The following TF variants were observed in gnomAD, a reference collection of about 807,000 sequenced individuals.
TF encodes the protein serotransferrin.
In TF, 55 loss-of-function variants were observed where a neutral mutation model predicts 82.4. The ratio of observed to expected loss-of-function variants is 0.67; its 90% CI spans 0.54 to 0.84. The LOEUF is 0.84. TF is among the 40% of genes least tolerant of loss of function. TF has a pLI of 0.00. For missense variants in TF, 737 were observed against 868.4 expected, an observed-to-expected ratio of 0.85 and a Z score of 1.90; for synonymous variants, 332 against 332.6, an observed-to-expected ratio of 1.00 and a Z score of 0.02.
chr3:133,683,482 C>T, the TF span, among the ~76,000 whole-genome samples: 1 of 151,960 alleles, frequency 6.6e-6, no homozygotes, highest in Non-Finnish European at 1.5e-5. Context: ...CACACATAGG[C>T]TTAAAATAAA....
At chr3:133,665,467 CAAA>C in the TF span, among the ~76,000 whole-genome samples, 1 of 123,914 alleles carries the variant, frequency 8.1e-6, no homozygotes. Context: ...GACCCTATCT[CAAA>C]AAAAAAAAAA....
Position 133,753,513 on chromosome 3 carries a change from A to G in TF, c.217-82A>G, listed in dbSNP as rs898981241. The G allele has an allele frequency of 1.7e-5, 21 of 1,238,776 alleles. No individual in the cohort carries two copies. In the African/African-American group the frequency reaches 2.8e-4, roughly 17 times the overall value. 76.7% of individuals were successfully genotyped at this position (1,238,776 alleles called of 1,614,324 possible). On this transcript the variant is annotated intron_variant, in intron 2 of 16. Transcript: ENST00000402696. The stretch of plus-strand genomic sequence containing the variant: ...GGCCCTGGGTCCGTGGAGTCCTGGT[A>G]GCCACTCTCTACTTGTGTGGGTTGA...
chr3:133,735,353 A>G, the TF span, among the ~76,000 whole-genome samples: 1 of 152,140 alleles, frequency 6.6e-6, no homozygotes, highest in South Asian at 2.1e-4. Context: ...AAAAAAAAAA[A>G]AAGAAATAAT....
Position 133,787,627 on chromosome 3 carries a change from T to C in TF, c.*9007T>C, listed in dbSNP as rs1005432972. ...AAGTGGGATTGTTAAATCACCTCTGTGAACAGTGTTACTTGTTCATTCAGT... is the reference window on the plus strand; with the variant it reads ...AAGTGGGATTGTTAAATCACCTCTGCGAACAGTGTTACTTGTTCATTCAGT... On this transcript the variant is annotated 3_prime_UTR_variant, in exon 17 of 17. Transcript: ENST00000402696. The C allele has an allele frequency of 1.3e-5, 2 of 152,224 alleles. No homozygotes were observed. The highest frequency in any genetic ancestry group is 2.9e-5 in the Non-Finnish European group (2 of 68,028). 9.4% of individuals were successfully genotyped at this position (152,224 alleles called of 1,614,324 possible). A position where few individuals can be genotyped will look rare whatever the true frequency, so the allele number is the denominator to read the frequency against.
intron 14 of TF, among the ~76,000 whole-genome samples, chr3:133,772,023 G>A (rs947728403): frequency 3.3e-5 from 5 of 152,046 alleles, no homozygotes. Flanking sequence ...GCCCCTCCAG[G>A]AAGCCTTCCC....
chr3:133,717,897 A>G, the TF span, among the ~76,000 whole-genome samples: 2 of 152,228 alleles, frequency 1.3e-5, no homozygotes, highest in Admixed American at 1.3e-4. Context: ...TTGAGGTCCA[A>G]GAGAGATTCA....
the TF span, among the ~76,000 whole-genome samples, chr3:133,736,958 A>G: frequency 7.4e-4 from 112 of 152,294 alleles, no homozygotes; most frequent in African/African-American, 2.3e-3. Context: ...TCAGCTCTGG[A>G]CCAAGCGGAC....
At chr3:133,668,584 T>C in the TF span, among the ~76,000 whole-genome samples, 9 of 152,146 alleles carry the variant, frequency 5.9e-5, no homozygotes, top group Non-Finnish European at 1.3e-4. Flanking sequence ...AGCAGATGTG[T>C]GCTTGGGCAG....
In TF at chr3:133,787,397, T is replaced by C. The variant is rs777456885; in HGVS notation, c.*8777T>C. 6 of 152,182 alleles carry C rather than the reference T, an allele frequency of 3.9e-5. No individual in the cohort carries two copies. Among genetic ancestry groups the C allele is most frequent in the Non-Finnish European group, 8.8e-5 (6 of 68,034 alleles). 9.4% of individuals were successfully genotyped at this position (152,182 alleles called of 1,614,324 possible). On this transcript the variant is annotated 3_prime_UTR_variant, in exon 17 of 17. Transcript: ENST00000402696. ...GGAAGGACTGGTTCAAGGTCAAAAT[T>C]GTCATATTTAGAAGATACCTCCGAT...
chr3:133,776,284 C>T (rs1028604860), intron 15 of TF, among the ~76,000 whole-genome samples: 7 of 152,190 alleles, frequency 4.6e-5, no homozygotes, highest in African/African-American at 1.7e-4. Context: ...CCCTTGCCCT[C>T]GGAGAGCCTG....
At chr3:133,687,056 G>A in the TF span, among the ~76,000 whole-genome samples, 8 of 152,336 alleles carry the variant, frequency 5.3e-5, no homozygotes, top group Middle Eastern at 0.01. Flanking sequence ...GGACATGGTT[G>A]AAGCTGGAAA....
chr3:133,719,990 C>G, the TF span, among the ~76,000 whole-genome samples: 89,177 of 151,942 alleles, frequency 0.59, 26,699 homozygotes, highest in East Asian at 0.76. Context: ...TTAGCTCTAA[C>G]TTTTTTTGAT....
the TF span, among the ~76,000 whole-genome samples, chr3:133,733,887 A>T: frequency 6.6e-6 from 1 of 151,120 alleles, no homozygotes. Flanking sequence ...AAAAACATGT[A>T]TTTATTCTAT....
rs776581822 is a variant in TF, at chr3:133,775,449, A to G, written c.1704A>G (p.Pro568=). 2 of 1,614,214 alleles carry G rather than the reference A, an allele frequency of 1.2e-6. No homozygotes were observed. The highest frequency in any genetic ancestry group is 2.2e-5 in the East Asian group (1 of 44,888). The part of the protein sequence containing the change: ...PQNTGGKNPD[P]WAKNLNEKDY... ...TGTCCCTAGGAAAAAACCCTGATCC[A>G]TGGGCTAAGAATCTGAATGAAAAAG... Residue 568 remains proline (P), a synonymous_variant, in exon 15 of 17, where the codon CCA becomes CCG. Transcript: ENST00000402696.
At chr3:133,704,021 C>T in the TF span, among the ~76,000 whole-genome samples, 2 of 152,152 alleles carry the variant, frequency 1.3e-5, no homozygotes, top group African/African-American at 4.8e-5. Context: ...GGGGGCATGA[C>T]CTGGGTTGGA....
chr3:133,769,316 G>A (rs1361708572), intron 13 of TF, among the ~76,000 whole-genome samples: 1 of 152,308 alleles, frequency 6.6e-6, no homozygotes, highest in East Asian at 1.9e-4. Flanking sequence ...AGAGCATGTT[G>A]TTTTCATAAA....
Position 133,781,780 on chromosome 3 carries a change from C to T in TF, c.*3160C>T, listed in dbSNP as rs1934520358. ...ATTTTTTGGCTATCACATCAAAAGC[C>T]CAGGCCACAAAAGCAAAAATAAATA... On this transcript the variant is annotated 3_prime_UTR_variant, in exon 17 of 17. Transcript: ENST00000402696. 1 of 152,172 alleles carries T rather than the reference C, an allele frequency of 6.6e-6. No homozygotes were observed. The highest frequency in any genetic ancestry group is 2.1e-4 in the South Asian group (1 of 4,824). 9.4% of individuals were successfully genotyped at this position (152,172 alleles called of 1,614,324 possible).
Position 133,759,320 on chromosome 3 carries a change from C to G in TF, c.1194C>G (p.Ala398=), listed in dbSNP as rs1559872567. 1.2e-6 allele frequency: 2 copies of G among 1,613,460 alleles called. No homozygotes were observed. The highest frequency in any genetic ancestry group is 8.5e-7 in the Non-Finnish European group (1 of 1,179,954). The part of the protein sequence containing the change: ...VSAETTEDCI[A]KIMNGEADAM... ...CAGAGACCACCGAAGACTGCATCGC[C>G]AAGATCATGGTATGTCACTCCAGCC... The change falls in exon 9 of 17, where the codon GCC becomes GCG. Residue 398 remains alanine (A), a synonymous_variant. Transcript: ENST00000402696.
rs553771557 is a variant in TF, at chr3:133,757,311, G to A, written c.870+302G>A. ...GCCCAAAGCTAAACCCCTCCCCAAG[G>A]AGGCTTTCCATGACCCTCCCAGAAG... is the stretch of plus-strand genomic sequence containing the variant. On this transcript the variant is annotated intron_variant, in intron 7 of 16. Coordinates refer to ENST00000402696, the MANE Select transcript of TF (RefSeq NM_001063.4). Among the ~76,000 whole-genome samples, 5 of 152,252 alleles carry A rather than the reference G, an allele frequency of 3.3e-5. No individual in the cohort carries two copies. The East Asian group carries it at 9.7e-4, about 29-fold the overall frequency.
Sources: gnomAD v4.1 joint callset for allele counts (sites outside exome capture counted in the v4.1 genomes callset) on GRCh38, gnomAD v4.1.1 for gene constraint, MANE v1.5 for transcripts, NCBI Gene and HGNC (gene_info 2026-07-23, HGNC 2026-07-21) for gene names.